The following RBFOX1 variants were observed in gnomAD, a reference collection of about 807,000 sequenced individuals.
RBFOX1 encodes the protein RNA binding protein fox-1 homolog 1.
A neutral mutation model predicts 57.7 loss-of-function variants in RBFOX1; 8 were observed. The observed-to-expected ratio is 0.14, with a 90% CI of 0.08 to 0.25. RBFOX1 has a LOEUF of 0.25. RBFOX1 is among the 10% of genes least tolerant of loss of function. RBFOX1 has a pLI of 1.00. For missense variants in RBFOX1, 611 were observed against 548.5 expected (o/e 1.11, Z -1.14); for synonymous variants, 326 against 222.4 (o/e 1.47, Z -4.15).
intron 1 of RBFOX1, among the ~76,000 whole-genome samples, chr16:6,104,609 C>T (rs925515932): frequency 4.6e-5 from 7 of 152,152 alleles, no homozygotes; most frequent in South Asian, 2.1e-4. Context: ...ACTAATCTAT[C>T]GTGTTCCTAG....
At chr16:7,147,725 G>C (rs2075306684) in intron 4 of RBFOX1, among the ~76,000 whole-genome samples, 1 of 152,058 alleles carries the variant, frequency 6.6e-6, no homozygotes, top group African/African-American at 2.4e-5. Flanking sequence ...GCCATTGATG[G>C]GTATCTAGGT....
chr16:7,087,307 T>A (rs1196071767), intron 4 of RBFOX1, among the ~76,000 whole-genome samples: 1 of 152,124 alleles, frequency 6.6e-6, no homozygotes, highest in Admixed American at 6.5e-5. Context: ...TTCCTGTAAA[T>A]TCCACCAGTG....
chr16:6,898,460 A>G (rs1027531727), intron 3 of RBFOX1, among the ~76,000 whole-genome samples: 3 of 152,278 alleles, frequency 2.0e-5, no homozygotes, highest in South Asian at 2.1e-4. Flanking sequence ...AGCTCTATCA[A>G]TTATTTAAGT....
intron 1 of RBFOX1, among the ~76,000 whole-genome samples, chr16:6,118,883 A>G (rs1011212227): frequency 4.0e-5 from 6 of 151,330 alleles, no homozygotes; most frequent in African/African-American, 9.7e-5. Flanking sequence ...CTCTTGTCCC[A>G]TGACCTAATC....
intron 4 of RBFOX1, among the ~76,000 whole-genome samples, chr16:7,241,345 C>G (rs1008290817): frequency 6.6e-6 from 1 of 152,188 alleles, no homozygotes; most frequent in Non-Finnish European, 1.5e-5. Flanking sequence ...CCTCCTGGCC[C>G]GTTGGACTAT....
rs371495786 is a variant in RBFOX1 at position 6,450,767 on chromosome 16, G to GTATA, written c.-64+133729_-64+133732dup. 1.3e-3 allele frequency among the ~76,000 whole-genome samples: 45 copies of GTATA among 34,124 alleles called. 7 individuals are homozygous for GTATA. Among genetic ancestry groups the GTATA allele is most frequent in the African/African-American group, 4.1e-3 (31 of 7,606 alleles). The allele number at this position is 34,124 out of a possible 152,430, so 22.4% of individuals were successfully genotyped here. Reference sequence around the variant, plus strand: ...TATATATATATACATATATATATGTGTATATATATATATATATATATACAT... The same window carrying GTATA: ...TATATATATATACATATATATATGTGTATATATATATATATATATATATATACAT... On this transcript the variant is annotated intron_variant, in intron 2 of 15. Transcript: ENST00000550418.
At chr16:6,140,309 A>C (rs1486662880) in intron 1 of RBFOX1, among the ~76,000 whole-genome samples, 1 of 151,690 alleles carries the variant, frequency 6.6e-6, no homozygotes. Flanking sequence ...GTCCTGCTTC[A>C]GCCCCATGAG....
At chr16:6,237,670 G>C (rs1290861236) in intron 1 of RBFOX1, among the ~76,000 whole-genome samples, 1 of 151,916 alleles carries the variant, frequency 6.6e-6, no homozygotes, top group Admixed American at 6.6e-5. Context: ...GAACCAGGGA[G>C]ATGGAGGTTA....
chr16:6,572,501 C>T (rs1014221973), intron 2 of RBFOX1, among the ~76,000 whole-genome samples: 1 of 152,104 alleles, frequency 6.6e-6, no homozygotes, highest in Admixed American at 6.6e-5. Flanking sequence ...CATTAAAATC[C>T]CTTCCATTAT....
intron 5 of RBFOX1, among the ~76,000 whole-genome samples, chr16:7,537,291 C>G (rs770693348): frequency 1.3e-5 from 2 of 152,120 alleles, no homozygotes; most frequent in Non-Finnish European, 2.9e-5. Flanking sequence ...TGCCAGAGCT[C>G]TCTGTAATAT....
chr16:7,446,605 C>G (rs1158202781), intron 4 of RBFOX1, among the ~76,000 whole-genome samples: 1 of 152,014 alleles, frequency 6.6e-6, no homozygotes, highest in Non-Finnish European at 1.5e-5. Context: ...AGTTCTCTTT[C>G]AAGATCAGAT....
chr16:7,358,917 A>C (rs558786300), intron 4 of RBFOX1, among the ~76,000 whole-genome samples: 26 of 152,336 alleles, frequency 1.7e-4, no homozygotes, highest in African/African-American at 6.3e-4. Flanking sequence ...TGACTCTCTA[A>C]GACTTGGAAT....
At chr16:6,018,917 G>C (rs2095018713), upstream of RBFOX1, among the ~76,000 whole-genome samples, 1 of 151,978 alleles carries the variant, frequency 6.6e-6, no homozygotes, top group Non-Finnish European at 1.5e-5. Flanking sequence ...AGGGTACCGG[G>C]TCGCGTGTCC....
rs559272740 is a variant in RBFOX1, at chr16:6,925,775, G to A, written c.-15-126282G>A. Among the ~76,000 whole-genome samples, 3 of 151,972 alleles carry A rather than the reference G, an allele frequency of 2.0e-5. No homozygotes were observed. In the East Asian group the frequency reaches 5.8e-4, roughly 29 times the overall value. On this transcript the variant is annotated intron_variant, in intron 3 of 15. Transcript: ENST00000550418. ...CAAAGAACGGGAAATCCCCCAGGTA[G>A]GGATGATATTTAGAAATAGGAATAA...
At chr16:5,764,419 C>G (rs1345389875) in intron 3 of RBFOX1, among the ~76,000 whole-genome samples, 2 of 152,138 alleles carry the variant, frequency 1.3e-5, no homozygotes. Context: ...GAACCATGAG[C>G]CAATTAAACC....
intron 4 of RBFOX1, among the ~76,000 whole-genome samples, chr16:7,334,571 G>GTT (rs2096751740): frequency 6.6e-6 from 1 of 152,146 alleles, no homozygotes; most frequent in Admixed American, 6.5e-5. Flanking sequence ...ATAAGTTCCT[G>GTT]TTATAGATTA....
chr16:7,414,013 T>G (rs1425809989), intron 4 of RBFOX1, among the ~76,000 whole-genome samples: 4 of 152,210 alleles, frequency 2.6e-5, no homozygotes, highest in African/African-American at 9.7e-5. Context: ...TGCAGAGATG[T>G]GGAGGTGCAG....
At chr16:6,144,655 T>C (rs1213352965) in intron 1 of RBFOX1, among the ~76,000 whole-genome samples, 1 of 152,222 alleles carries the variant, frequency 6.6e-6, no homozygotes, top group Non-Finnish European at 1.5e-5. Flanking sequence ...CCCACATCAG[T>C]CTTCCGTGGA....
intron 1 of RBFOX1, among the ~76,000 whole-genome samples, chr16:5,367,166 G>A (rs995098803): frequency 5.3e-5 from 8 of 152,088 alleles, no homozygotes; most frequent in Non-Finnish European, 1.0e-4. Context: ...AATTTGATCT[G>A]GTTTTTATAC....
Sources: gnomAD v4.1 joint callset for allele counts (sites outside exome capture counted in the v4.1 genomes callset) on GRCh38, gnomAD v4.1.1 for gene constraint, MANE v1.5 for transcripts, NCBI Gene and HGNC (gene_info 2026-07-23, HGNC 2026-07-21) for gene names.